Variants in CSMD3 observed in about 807,000 individuals in gnomAD.
CSMD3 encodes CUB and Sushi multiple domains 3.
In CSMD3, 177 loss-of-function variants were observed where a neutral mutation model predicts 435.2. The ratio of observed to expected loss-of-function variants is 0.41; its 90% confidence interval spans 0.36 to 0.46. The LOEUF is 0.46. Among genes scored for constraint, CSMD3 ranks in the 20% least tolerant of loss-of-function variants. The pLI is 0.34. For missense variants in CSMD3, 4,265 were observed against 4,504.6 expected (o/e 0.95, Z 1.52); for synonymous variants, 1,656 against 1,520.5 (o/e 1.09, Z -2.07).
chr8:113,386,830 C>T (rs1341461519), intron 1 of CSMD3, among the ~76,000 whole-genome samples: 1 of 151,840 alleles, frequency 6.6e-6, no homozygotes, highest in Non-Finnish European at 1.5e-5. Flanking sequence ...TCATTGCAAA[C>T]TATTACTTCA....
intron 35 of CSMD3, among the ~76,000 whole-genome samples, chr8:112,395,168 A>T (rs896386287): frequency 2.0e-5 from 3 of 152,192 alleles, no homozygotes; most frequent in Non-Finnish European, 4.4e-5. Context: ...TGTTCTGATC[A>T]GTATTCAATA....
intron 5 of CSMD3, among the ~76,000 whole-genome samples, chr8:113,069,270 A>G (rs2088997439): frequency 2.0e-5 from 3 of 152,112 alleles, no homozygotes; most frequent in South Asian, 4.1e-4. Flanking sequence ...AAATCCTTCT[A>G]CAGTGAAGGA....
At chr8:113,130,247 T>A (rs754193558) in intron 4 of CSMD3, among the ~76,000 whole-genome samples, 62 of 152,136 alleles carry the variant, frequency 4.1e-4, no homozygotes, top group Non-Finnish European at 8.2e-4. Flanking sequence ...AATAGGACTT[T>A]GTCAAATAGA....
intron 7 of CSMD3, among the ~76,000 whole-genome samples, chr8:112,962,109 G>A (rs144965605): frequency 4.0e-4 from 61 of 151,062 alleles, no homozygotes; most frequent in African/African-American, 1.4e-3. Flanking sequence ...AATTGTTTTC[G>A]GTTGTACAGT....
intron 1 of CSMD3, among the ~76,000 whole-genome samples, chr8:113,328,197 G>T (rs910509508): frequency 6.6e-6 from 1 of 151,956 alleles, no homozygotes; most frequent in Non-Finnish European, 1.5e-5. Flanking sequence ...CCAGCACTTT[G>T]GGAGGCCGAG....
At chr8:112,429,435 A>T (rs575891408) in intron 32 of CSMD3, among the ~76,000 whole-genome samples, 1 of 151,134 alleles carries the variant, frequency 6.6e-6, no homozygotes, top group Non-Finnish European at 1.5e-5. Context: ...AGCAAAAAAG[A>T]TATATATATA....
In CSMD3 at chr8:112,825,410, T is replaced by TTTGTTGTTG. The variant is rs145600692; in HGVS notation, c.1859+4267_1859+4275dup. The stretch of plus-strand genomic sequence containing the variant: ...CTCTGGCCTTCTGGATTTTCATCTT[T>TTTGTTGTTG]TTGTTGTTGTTGTTGTTGTTGTTAA... On this transcript the variant is annotated intron_variant, in intron 12 of 70. Coordinates refer to ENST00000297405, the MANE Select transcript of CSMD3 (RefSeq NM_198123.2). Among the ~76,000 whole-genome samples the TTTGTTGTTG allele has an allele frequency of 3.4e-3, 524 of 152,088 alleles. 2 individuals carry two copies. The highest frequency in any genetic ancestry group is 0.012 in the African/African-American group (504 of 41,472).
chr8:112,370,082 A>AAGT (rs377246718), intron 38 of CSMD3, among the ~76,000 whole-genome samples: 2,737 of 101,510 alleles, frequency 0.027, 287 homozygotes, highest in Middle Eastern at 0.037. Flanking sequence ...GAAGAAGAAG[A>AAGT]AGTAGTAGTA....
chr8:113,323,174 C>A (rs1375209114), intron 1 of CSMD3, among the ~76,000 whole-genome samples: 1 of 152,108 alleles, frequency 6.6e-6, no homozygotes, highest in Non-Finnish European at 1.5e-5. Context: ...TTAGTTTACT[C>A]GTCTGTTTTC....
At chr8:113,424,687 G>T (rs2094626055) in intron 1 of CSMD3, among the ~76,000 whole-genome samples, 1 of 151,234 alleles carries the variant, frequency 6.6e-6, no homozygotes, top group Admixed American at 6.6e-5. Flanking sequence ...CATTAATACT[G>T]GATAAACTAG....
intron 22 of CSMD3, among the ~76,000 whole-genome samples, chr8:112,608,045 A>G (rs1832936177): frequency 6.6e-6 from 1 of 152,120 alleles, no homozygotes; most frequent in East Asian, 1.9e-4. Context: ...CATCTTACAT[A>G]TAGAAAACTC....
chr8:112,517,209 C>G lies in CSMD3; in HGVS notation c.4581G>C (p.Ala1527=), dbSNP rs563110439. Residue 1527 remains alanine (A), a synonymous_variant, in exon 28 of 71, where the codon GCG becomes GCC. Transcript: ENST00000297405. ...AIQFSSSVAT[A]CRDPGVPMNG... ...TCATGGGGACCCCTGGGTCACGACACGCAGTGGCAACAGAACCTATCAAAA... is the reference window on the plus strand; with the variant it reads ...TCATGGGGACCCCTGGGTCACGACAGGCAGTGGCAACAGAACCTATCAAAA... 1.2e-5 allele frequency: 19 copies of G among 1,613,358 alleles called. No individual in the cohort carries two copies. The highest frequency in any genetic ancestry group is 8.4e-5 in the Admixed American group (5 of 59,848).
chr8:112,309,730 T>C (rs966222797), intron 50 of CSMD3, among the ~76,000 whole-genome samples: 4 of 152,112 alleles, frequency 2.6e-5, no homozygotes, highest in Non-Finnish European at 5.9e-5. Context: ...AAACAATAAT[T>C]CTTTCATTTT....
intron 16 of CSMD3, among the ~76,000 whole-genome samples, chr8:112,668,482 A>G (rs926175216): frequency 1.3e-5 from 2 of 152,136 alleles, no homozygotes; most frequent in Non-Finnish European, 2.9e-5. Flanking sequence ...GGCCATAAAG[A>G]ATTAAAAAGT....
chr8:113,257,167 G>A (rs150874665), intron 3 of CSMD3, among the ~76,000 whole-genome samples: 239 of 152,244 alleles, frequency 1.6e-3, no homozygotes, highest in African/African-American at 5.6e-3. Flanking sequence ...CCAGCACTTT[G>A]GGAGGCCGAG....
chr8:113,270,995 A>G (rs968473290), intron 3 of CSMD3, among the ~76,000 whole-genome samples: 1 of 151,382 alleles, frequency 6.6e-6, no homozygotes, highest in Non-Finnish European at 1.5e-5. Flanking sequence ...TAAAAAAAAA[A>G]AACTGGTGGC....
chr8:112,720,820 A>G (rs1323718069), intron 13 of CSMD3, among the ~76,000 whole-genome samples: 7 of 152,252 alleles, frequency 4.6e-5, no homozygotes, highest in African/African-American at 1.2e-4. Flanking sequence ...ATAAATTTAT[A>G]TATTTTCTGT....
intron 13 of CSMD3, among the ~76,000 whole-genome samples, chr8:112,701,494 GA>G (rs1209847565): frequency 6.6e-6 from 1 of 152,042 alleles, no homozygotes; most frequent in Non-Finnish European, 1.5e-5. Context: ...ATAATCGAGA[GA>G]AAGAATGGAA....
Position 112,492,581 on chromosome 8 carries a change from G to A in CSMD3, c.5186C>T (p.Ala1729Val), listed in dbSNP as rs61754527. Residue 1729 changes from alanine to valine, a missense_variant, in exon 31 of 71, where the codon GCT (alanine) becomes GTT (valine). This residue lies in a region of CSMD3 where 3,255 missense variants were observed against 3,380.2 expected (regional missense o/e 0.96). Coordinates refer to ENST00000297405, the MANE Select transcript of CSMD3 (RefSeq NM_198123.2). ...TGAATAACCTTGAAGAACATAACCAGCATCACAGTAATAGGTGACTGTTGA... is the reference window on the plus strand; with the variant it reads ...TGAATAACCTTGAAGAACATAACCAACATCACAGTAATAGGTGACTGTTGA... ...LGSTVTYYCDAGYVLQGYSTL... is the reference protein window; with the variant it reads ...LGSTVTYYCDVGYVLQGYSTL... The A allele has an allele frequency of 3.4e-3, 5,409 of 1,613,310 alleles. 19 individuals carry two copies. Among genetic ancestry groups the A allele is most frequent in the Middle Eastern group, 7.9e-3 (48 of 6,062 alleles).
Sources: allele counts gnomAD v4.1 joint callset (sites outside exome capture counted in the v4.1 genomes callset), GRCh38; gene constraint gnomAD v4.1.1; regional missense constraint gnomAD v4.1.1; transcripts MANE v1.5; gene names NCBI Gene and HGNC (gene_info 2026-07-23, HGNC 2026-07-21).